The following CSTF3 variants were observed in gnomAD, a reference collection of about 807,000 sequenced individuals.
The protein encoded by CSTF3 is cleavage stimulation factor subunit 3, also known as CF-1 77 kDa subunit.
Under a neutral mutation model 105.8 loss-of-function variants are expected in CSTF3, and 29 were observed. That is an observed-to-expected ratio of 0.27 (90% confidence interval 0.20 to 0.37). CSTF3 has a LOEUF of 0.37. Among genes scored for constraint, CSTF3 ranks in the 10% least tolerant of loss-of-function variants. The pLI, the probability that CSTF3 is intolerant of heterozygous loss-of-function variation, is 1.00. For synonymous variants in CSTF3, 252 were observed against 281.9 expected, an observed-to-expected ratio of 0.89 and a Z score of 1.06; for missense variants, 357 against 879.3, an observed-to-expected ratio of 0.41 and a Z score of 7.51.
At chr11:33,085,564 CAA>C (rs1429293512) in intron 20 of CSTF3, 147 bp downstream of exon 20, 2 of 706,396 alleles carry the variant, frequency 2.8e-6, no homozygotes, top group African/African-American at 3.6e-5. Flanking sequence ...CTTTCTCTGC[CAA>C]AGAGGGTTTG....
chr11:33,106,995 G>A (rs966057266), intron 5 of CSTF3, among the ~76,000 whole-genome samples: 1 of 151,934 alleles, frequency 6.6e-6, no homozygotes, highest in African/African-American at 2.4e-5. Context: ...AACAGACCAG[G>A]TGTGGTGGTT....
At chr11:33,150,034 A>AAACAACAACAAC (rs113266998) in intron 1 of CSTF3, among the ~76,000 whole-genome samples, 6 of 148,286 alleles carry the variant, frequency 4.0e-5, no homozygotes, top group African/African-American at 1.0e-4. Flanking sequence ...CAAAACAAAC[A>AAACAACAACAAC]AACAACAACA....
chr11:33,131,842 C>T (rs949901799), intron 3 of CSTF3, among the ~76,000 whole-genome samples: 1 of 151,930 alleles, frequency 6.6e-6, no homozygotes, highest in Non-Finnish European at 1.5e-5. Context: ...ACAGAGACTC[C>T]GTCTCAAAAA....
intron 15 of CSTF3, among the ~76,000 whole-genome samples, chr11:33,093,429 T>G (rs1208891813): frequency 6.6e-6 from 1 of 152,134 alleles, no homozygotes. Flanking sequence ...TAACTACCAC[T>G]CATCTCTCAA....
At chr11:33,134,004 A>T (rs1030689676) in intron 3 of CSTF3, among the ~76,000 whole-genome samples, 4 of 152,240 alleles carry the variant, frequency 2.6e-5, no homozygotes, top group African/African-American at 9.6e-5. Flanking sequence ...GTGTGTATGT[A>T]TAAGAATCTT....
At chr11:33,137,374 A>C (rs1358015755) in intron 3 of CSTF3, among the ~76,000 whole-genome samples, 1 of 151,854 alleles carries the variant, frequency 6.6e-6, no homozygotes, top group Non-Finnish European at 1.5e-5. Context: ...GCTTTGGCTG[A>C]GAAAAAAAGT....
intron 5 of CSTF3, among the ~76,000 whole-genome samples, 193 bp from the exon 6 acceptor site, chr11:33,106,257 A>C (rs565309009): frequency 6.6e-6 from 1 of 152,054 alleles, no homozygotes; most frequent in Non-Finnish European, 1.5e-5. Flanking sequence ...AAAAATAAAA[A>C]TTAAAAAAAT....
chr11:33,138,407 G>C (rs929613697), intron 3 of CSTF3, among the ~76,000 whole-genome samples: 3 of 151,676 alleles, frequency 2.0e-5, no homozygotes, highest in African/African-American at 7.2e-5. Flanking sequence ...AAATTCTGTA[G>C]GTTTTCTCAA....
At chr11:33,130,528 T>C (rs385132) in intron 3 of CSTF3, among the ~76,000 whole-genome samples, 84,557 of 151,912 alleles carry the variant, frequency 0.56, 26,118 homozygotes, top group Non-Finnish European at 0.69. Flanking sequence ...TATCAGAAAA[T>C]TTATTTACAA....
At chr11:33,126,574 T>C (rs1855545426) in intron 3 of CSTF3, among the ~76,000 whole-genome samples, 3 of 152,214 alleles carry the variant, frequency 2.0e-5, no homozygotes, top group Non-Finnish European at 4.4e-5. Context: ...AAGAACAGTT[T>C]CTTTTTAGTG....
At chr11:33,138,140 G>C (rs1203462176) in intron 3 of CSTF3, among the ~76,000 whole-genome samples, 2 of 151,652 alleles carry the variant, frequency 1.3e-5, no homozygotes, top group African/African-American at 4.8e-5. Context: ...TTTTATTAAA[G>C]AAATACAGCT....
intron 1 of CSTF3, among the ~76,000 whole-genome samples, chr11:33,151,832 A>C (rs1849785540): frequency 6.6e-6 from 1 of 152,152 alleles, no homozygotes; most frequent in Non-Finnish European, 1.5e-5. Context: ...AGGGGTTCTA[A>C]TTTCTCCATA....
chr11:33,116,568 A>G (rs1018158756), intron 3 of CSTF3, among the ~76,000 whole-genome samples: 6 of 152,300 alleles, frequency 3.9e-5, no homozygotes, highest in Admixed American at 3.3e-4. Context: ...AGAAAAAAAG[A>G]ATATGCATAG....
At chr11:33,090,217 C>G (rs964575621) in intron 17 of CSTF3, among the ~76,000 whole-genome samples, 1 of 152,110 alleles carries the variant, frequency 6.6e-6, no homozygotes, top group Admixed American at 6.5e-5. Context: ...CCTAAGATGA[C>G]ATTCAGATTT....
intron 3 of CSTF3, among the ~76,000 whole-genome samples, chr11:33,120,935 T>C (rs1482665715): frequency 6.6e-6 from 1 of 152,170 alleles, no homozygotes; most frequent in South Asian, 2.1e-4. Flanking sequence ...GAAAGGGTGC[T>C]AAGTATAATA....
chr11:33,122,897 ACAG>A (rs1461691823), intron 3 of CSTF3, among the ~76,000 whole-genome samples: 1 of 146,964 alleles, frequency 6.8e-6, no homozygotes. Context: ...CCTTGGCAAC[ACAG>A]TGATATCCTG....
At chr11:33,126,990 A>G (rs1855549709) in intron 3 of CSTF3, among the ~76,000 whole-genome samples, 2 of 152,236 alleles carry the variant, frequency 1.3e-5, no homozygotes, top group South Asian at 4.1e-4. Flanking sequence ...AGAAGTTAAC[A>G]TTTTTGTAGA....
chr11:33,091,188 A>C (rs912973004), intron 16 of CSTF3, among the ~76,000 whole-genome samples: 1 of 152,204 alleles, frequency 6.6e-6, no homozygotes, highest in Non-Finnish European at 1.5e-5. Flanking sequence ...TACATTCTTC[A>C]TCTAATATAT....
At chr11:33,153,158 G>C (rs1054258814) in intron 1 of CSTF3, among the ~76,000 whole-genome samples, 8 of 151,288 alleles carry the variant, frequency 5.3e-5, no homozygotes, top group Non-Finnish European at 7.4e-5. Flanking sequence ...ACATTTTCAT[G>C]ATCTTTTAAA....
Sources: allele counts gnomAD v4.1 joint callset (sites outside exome capture counted in the v4.1 genomes callset), GRCh38; gene constraint gnomAD v4.1.1; transcripts MANE v1.5; gene names NCBI Gene and HGNC (gene_info 2026-07-23, HGNC 2026-07-21).